Variants in PDE1C observed in about 807,000 individuals in gnomAD.
PDE1C encodes the protein dual specificity calcium/calmodulin-dependent 3',5'-cyclic nucleotide phosphodiesterase 1C.
Under a neutral mutation model 93.1 loss-of-function variants are expected in PDE1C, and 62 were observed. The ratio of observed to expected loss-of-function variants is 0.67; its 90% confidence interval spans 0.54 to 0.82. PDE1C has a LOEUF of 0.82. Among genes scored for constraint, PDE1C ranks in the 40% least tolerant of loss-of-function variants. PDE1C has a pLI of 0.00. For missense variants in PDE1C, 742 were observed against 884.6 expected, an observed-to-expected ratio of 0.84 and a Z score of 2.04; for synonymous variants, 325 against 310.1, an observed-to-expected ratio of 1.05 and a Z score of -0.50.
At chr7:32,169,131 G>T (rs1189374248) in intron 3 of PDE1C, among the ~76,000 whole-genome samples, 1 of 151,872 alleles carries the variant, frequency 6.6e-6, no homozygotes, top group African/African-American at 2.4e-5. Flanking sequence ...GACCCATTTG[G>T]GGAAAAAAAA....
intron 2 of PDE1C, among the ~76,000 whole-genome samples, chr7:32,203,673 C>T (rs1006715172): frequency 3.3e-5 from 5 of 152,098 alleles, no homozygotes; most frequent in African/African-American, 1.2e-4. Flanking sequence ...GGGTACGTTC[C>T]AACAACTGCC....
rs372179653 is a variant in PDE1C, at chr7:31,847,905, T to C, written c.980+63A>G. The C allele has an allele frequency of 2.9e-5, 45 of 1,560,470 alleles. No homozygotes were observed. The African/African-American group carries it at 4.7e-4, about 16-fold the overall frequency. ...AGGTGTTCTTTTCTCAAAAACAGCA[T>C]ACTTCATCCAACTTCAAAGTTCCTT... is the stretch of plus-strand genomic sequence containing the variant. On this transcript the variant is annotated intron_variant, in intron 9 of 17. Coordinates refer to ENST00000396191, the MANE Select transcript of PDE1C (RefSeq NM_001191057.4).
At chr7:32,212,025 C>CAAAAAAAAAAAA (rs35827566) in intron 1 of PDE1C, among the ~76,000 whole-genome samples, 1 of 81,280 alleles carries the variant, frequency 1.2e-5, no homozygotes, top group Non-Finnish European at 2.5e-5. Context: ...GAACCTATCT[C>CAAAAAAAAAAAA]AAAAAAAAAA....
chr7:32,179,262 A>G (rs1803219477), intron 2 of PDE1C, among the ~76,000 whole-genome samples: 1 of 122,084 alleles, frequency 8.2e-6, no homozygotes, highest in Non-Finnish European at 1.6e-5. Context: ...GTCCTGACTT[A>G]GTCTTTTTTT....
At chr7:32,141,315 C>G (rs945398261) in intron 3 of PDE1C, among the ~76,000 whole-genome samples, 4 of 152,124 alleles carry the variant, frequency 2.6e-5, no homozygotes, top group Non-Finnish European at 5.9e-5. Flanking sequence ...TGCACCCCAG[C>G]CTGGACAACA....
Position 32,147,308 on chromosome 7 carries a change from G to GAAA in PDE1C, c.308+22474_308+22476dup, listed in dbSNP as rs1305974798. Reference sequence around the variant, plus strand: ...AGAAAGAAAGAAAGAAAGAAAGAAAGAAAGAAAGAAAGAAAGAAAGAAAGA... The same window carrying GAAA: ...AGAAAGAAAGAAAGAAAGAAAGAAAGAAAAAAGAAAGAAAGAAAGAAAGAAAGA... On this transcript the variant is annotated intron_variant, in intron 3 of 18. Transcript: ENST00000396193. Among the ~76,000 whole-genome samples the GAAA allele has an allele frequency of 3.2e-3, 473 of 146,268 alleles. 2 individuals are homozygous for GAAA. Among genetic ancestry groups the GAAA allele is most frequent in the Admixed American group, 6.4e-3 (96 of 14,914 alleles).
intron 16 of PDE1C, among the ~76,000 whole-genome samples, chr7:31,796,441 C>T (rs1212060937): frequency 2.0e-5 from 3 of 151,566 alleles, no homozygotes; most frequent in Non-Finnish European, 4.4e-5. Context: ...CCTTTATATT[C>T]ATTATATACC....
chr7:31,980,466 T>G (rs1337397374), intron 2 of PDE1C, among the ~76,000 whole-genome samples: 1 of 152,198 alleles, frequency 6.6e-6, no homozygotes, highest in Non-Finnish European at 1.5e-5. Context: ...CAGTAAATCC[T>G]GGGTCACAAG....
downstream of PDE1C, among the ~76,000 whole-genome samples, chr7:31,748,031 A>AAAACTCAGGGAAGTTTTT (rs1794042696): frequency 1.4e-5 from 2 of 139,376 alleles, no homozygotes; most frequent in Non-Finnish European, 3.2e-5. Context: ...TCCCTGAGCA[A>AAAACTCAGGGAAGTTTTT]GGAAGGGATT....
chr7:32,157,749 G>A (rs1180100807), intron 3 of PDE1C, among the ~76,000 whole-genome samples: 1 of 152,058 alleles, frequency 6.6e-6, no homozygotes, highest in Admixed American at 6.6e-5. Context: ...AAGATTTGGG[G>A]GGAAAAATGG....
chr7:32,255,552 T>C (rs116491987), intron 1 of PDE1C, among the ~76,000 whole-genome samples: 2 of 152,254 alleles, frequency 1.3e-5, no homozygotes, highest in Admixed American at 6.5e-5. Flanking sequence ...CAGGAGCAAC[T>C]ACGATGCACT....
chr7:32,329,574 C>G (rs1783472219), intron 1 of PDE1C, among the ~76,000 whole-genome samples: 1 of 152,154 alleles, frequency 6.6e-6, no homozygotes, highest in Non-Finnish European at 1.5e-5. Context: ...GTCCAGTTTT[C>G]TAGTTCAGAA....
intron 11 of PDE1C, among the ~76,000 whole-genome samples, chr7:31,830,278 G>A (rs2128750729): frequency 6.6e-6 from 1 of 151,606 alleles, no homozygotes; most frequent in Admixed American, 6.6e-5. Flanking sequence ...ACACAATACT[G>A]TATGACTCTA....
Position 31,764,255 on chromosome 7 carries a change from C to T in PDE1C, c.1961-10702G>A, listed in dbSNP as rs1795006242. Reference sequence around the variant, plus strand: ...AACCTCTCAGGTTTAAGTGATTCTCCTGCCTCAGACTCTGTAGTAGCCGGG... The same window carrying T: ...AACCTCTCAGGTTTAAGTGATTCTCTTGCCTCAGACTCTGTAGTAGCCGGG... On this transcript the variant is annotated intron_variant, in intron 17 of 17. Coordinates refer to ENST00000396191, the MANE Select transcript of PDE1C (RefSeq NM_001191057.4). Among the ~76,000 whole-genome samples the T allele has an allele frequency of 2.0e-5, 3 of 152,290 alleles. No individual in the cohort carries two copies. The South Asian group carries it at 6.2e-4, about 32-fold the overall frequency.
chr7:31,629,628 G>A, the PDE1C span, among the ~76,000 whole-genome samples: 1 of 152,158 alleles, frequency 6.6e-6, no homozygotes, highest in Non-Finnish European at 1.5e-5. Flanking sequence ...AAATACAATG[G>A]TCAGACCATG....
At chr7:32,037,367 C>T (rs558028540) in intron 2 of PDE1C, among the ~76,000 whole-genome samples, 1 of 152,178 alleles carries the variant, frequency 6.6e-6, no homozygotes, top group Admixed American at 6.5e-5. Context: ...CAGGGAGTTG[C>T]CCCTCACCCA....
intron 1 of PDE1C, among the ~76,000 whole-genome samples, chr7:32,282,475 T>G (rs931860474): frequency 6.7e-6 from 1 of 149,496 alleles, no homozygotes. Context: ...CCAAACTCCA[T>G]CAAAAAAAAA....
At chr7:31,808,199 T>A (rs1787094202) in intron 16 of PDE1C, 1 of 491,900 alleles carries the variant, frequency 2.0e-6, no homozygotes, top group Non-Finnish European at 4.0e-6. Context: ...ACCAAATGAT[T>A]CAAAGAAGAG....
At chr7:32,190,215 C>A (rs897347847) in intron 2 of PDE1C, among the ~76,000 whole-genome samples, 5 of 152,142 alleles carry the variant, frequency 3.3e-5, no homozygotes, top group African/African-American at 9.7e-5. Context: ...TTAGGGCCCC[C>A]AAAACTACAC....
Sources: gnomAD v4.1 joint callset for allele counts (sites outside exome capture counted in the v4.1 genomes callset) on GRCh38, gnomAD v4.1.1 for gene constraint, MANE v1.5 for transcripts, NCBI Gene and HGNC (gene_info 2026-07-23, HGNC 2026-07-21) for gene names.